Variants in FGF14 observed in about 807,000 individuals in gnomAD.
FGF14 encodes fibroblast growth factor 14.
Under a neutral mutation model 25.5 loss-of-function variants are expected in FGF14, and 5 were observed. The observed-to-expected ratio is 0.20, with a 90% CI of 0.10 to 0.41. The LOEUF (loss-of-function observed/expected upper bound fraction) is 0.41. FGF14 is among the 10% of genes least tolerant of loss of function. The pLI is 1.00. For synonymous variants in FGF14, 138 were observed against 118.3 expected (o/e 1.17, Z -1.08); for missense variants, 222 against 320.1 (o/e 0.69, Z 2.34).
chr13:101,962,963 A>G (rs2036959085), intron 1 of FGF14, among the ~76,000 whole-genome samples: 1 of 152,194 alleles, frequency 6.6e-6, no homozygotes, highest in Non-Finnish European at 1.5e-5. Context: ...ACTATATTTC[A>G]TCTTCCGTAG....
At chr13:102,035,086 G>A (rs1281257673) in intron 1 of FGF14, among the ~76,000 whole-genome samples, 3 of 152,054 alleles carry the variant, frequency 2.0e-5, no homozygotes, top group Non-Finnish European at 4.4e-5. Context: ...ATAATACGGA[G>A]AAATCAAGTG....
At chr13:102,152,175 A>T (rs2047116390) in intron 1 of FGF14, among the ~76,000 whole-genome samples, 2 of 152,088 alleles carry the variant, frequency 1.3e-5, no homozygotes, top group African/African-American at 4.8e-5. Context: ...ATCAAGGCTA[A>T]TTTTTTGCTA....
At chr13:101,852,429 C>T (rs1354780408) in intron 3 of FGF14, among the ~76,000 whole-genome samples, 49 of 152,116 alleles carry the variant, frequency 3.2e-4, no homozygotes, top group Admixed American at 3.2e-3. Flanking sequence ...CTATTTTATC[C>T]TTTTCTTGAA....
At chr13:102,014,425 A>C (rs185405554) in intron 1 of FGF14, among the ~76,000 whole-genome samples, 1 of 152,298 alleles carries the variant, frequency 6.6e-6, no homozygotes, top group Admixed American at 6.5e-5. Context: ...GAAAAAGCTA[A>C]GTATAAAAGA....
At chr13:102,223,465 T>G (rs2050703837) in intron 1 of FGF14, among the ~76,000 whole-genome samples, 1 of 152,068 alleles carries the variant, frequency 6.6e-6, no homozygotes, top group Non-Finnish European at 1.5e-5. Flanking sequence ...GGTTTAAATA[T>G]TATTTAAGAA....
At chr13:102,129,587 A>G (rs1594073079) in intron 1 of FGF14, among the ~76,000 whole-genome samples, 1 of 152,148 alleles carries the variant, frequency 6.6e-6, no homozygotes. Context: ...ATGTGTACAC[A>G]CTAGTTCTCT....
chr13:101,856,676 A>G (rs1371377282), intron 3 of FGF14, among the ~76,000 whole-genome samples: 1 of 152,020 alleles, frequency 6.6e-6, no homozygotes, highest in Admixed American at 6.6e-5. Context: ...TAAGCATTTT[A>G]CCTTCTATGC....
rs139340265 is a variant in FGF14 at position 102,023,462 on chromosome 13, G to A, written c.209-148166C>T. On this transcript the variant is annotated intron_variant, in intron 1 of 4. Coordinates refer to the FGF14 transcript ENST00000376131. ...TTTATTGACATACAATTCATGTACCGTAAAATTCACCTTTTATGGTGTACA... is the reference window on the plus strand; with the variant it reads ...TTTATTGACATACAATTCATGTACCATAAAATTCACCTTTTATGGTGTACA... Among the ~76,000 whole-genome samples, 1,468 of 151,952 alleles carry A rather than the reference G, an allele frequency of 9.7e-3. 17 individuals carry two copies. Among genetic ancestry groups the A allele is most frequent in the Non-Finnish European group, 0.012 (805 of 67,930 alleles).
At chr13:102,394,218 G>A (rs1349347843) in intron 1 of FGF14, 3 of 152,364 alleles carry the variant, frequency 2.0e-5, no homozygotes, top group Non-Finnish European at 4.4e-5. Flanking sequence ...TCCTTCAGAT[G>A]GGTCTCGGGT....
chr13:102,349,935 G>A (rs1224379892), intron 1 of FGF14, among the ~76,000 whole-genome samples: 4 of 152,148 alleles, frequency 2.6e-5, no homozygotes, highest in Non-Finnish European at 4.4e-5. Context: ...ACTAAGGGGG[G>A]AAAATTATAA....
chr13:102,354,017 A>G, intron 1 of FGF14: 1 of 167,648 alleles, frequency 6.0e-6, no homozygotes, highest in East Asian at 1.7e-4. Flanking sequence ...ACTAAGCCAA[A>G]GGGAAATGTC....
intron 1 of FGF14, among the ~76,000 whole-genome samples, chr13:102,117,640 A>C (rs567199737): frequency 8.5e-5 from 13 of 152,336 alleles, no homozygotes; most frequent in African/African-American, 2.9e-4. Context: ...TAGAATAAAC[A>C]GTGGCACACC....
chr13:101,989,418 G>T (rs989788468), intron 1 of FGF14, among the ~76,000 whole-genome samples: 1 of 151,988 alleles, frequency 6.6e-6, no homozygotes, highest in Non-Finnish European at 1.5e-5. Context: ...TTATAAAGAA[G>T]AATAATGTAC....
intron 1 of FGF14, among the ~76,000 whole-genome samples, chr13:102,371,730 A>G (rs2057891456): frequency 6.6e-6 from 1 of 152,196 alleles, no homozygotes; most frequent in Admixed American, 6.5e-5. Context: ...ATATGAATAA[A>G]TGAATAACAA....
chr13:102,016,575 A>C (rs1159149188), intron 1 of FGF14, among the ~76,000 whole-genome samples: 2 of 152,174 alleles, frequency 1.3e-5, no homozygotes, highest in Non-Finnish European at 2.9e-5. Context: ...TATTTTCCAA[A>C]GGCAAAAGAT....
At chr13:101,820,806 A>ACC (rs1262447164) in intron 3 of FGF14, among the ~76,000 whole-genome samples, 1 of 83,832 alleles carries the variant, frequency 1.2e-5, no homozygotes, top group Admixed American at 1.1e-4. Flanking sequence ...ACACACACAC[A>ACC]ACACACACAC....
chr13:102,062,180 G>T (rs2042718075), intron 1 of FGF14, among the ~76,000 whole-genome samples: 1 of 152,008 alleles, frequency 6.6e-6, no homozygotes, highest in South Asian at 2.1e-4. Context: ...AAATAACCAA[G>T]AAATTGAGTT....
chr13:102,197,329 C>T (rs1011624581), intron 1 of FGF14, among the ~76,000 whole-genome samples: 2 of 152,068 alleles, frequency 1.3e-5, no homozygotes, highest in Non-Finnish European at 2.9e-5. Context: ...TTTACCAGCA[C>T]CAAGTACTAC....
intron 1 of FGF14, among the ~76,000 whole-genome samples, chr13:102,213,142 G>A (rs553047607): frequency 3.9e-5 from 6 of 152,286 alleles, no homozygotes; most frequent in African/African-American, 9.6e-5. Context: ...CATTTACCCC[G>A]TCTGCCTTGC....
Sources: allele counts gnomAD v4.1 joint callset (sites outside exome capture counted in the v4.1 genomes callset), GRCh38; gene constraint gnomAD v4.1.1; transcripts MANE v1.5; gene names NCBI Gene and HGNC (gene_info 2026-07-23, HGNC 2026-07-21).